CALB2: variants seen among roughly 807,000 people sequenced by gnomAD.
The protein encoded by CALB2 is calbindin 2, also known as calretinin.
In CALB2, 34 loss-of-function variants were observed where a neutral mutation model predicts 45.9. The ratio of observed to expected loss-of-function variants is 0.74; its 90% CI spans 0.56 to 0.99. The LOEUF (loss-of-function observed/expected upper bound fraction) is 0.99. Among genes scored for constraint, CALB2 ranks in the 50% least tolerant of loss-of-function variants. CALB2 has a pLI of 0.00. For missense variants in CALB2, 344 were observed against 339.3 expected, an observed-to-expected ratio of 1.01 and a Z score of -0.11; for synonymous variants, 142 against 129.6, an observed-to-expected ratio of 1.10 and a Z score of -0.65.
At position 71,382,752 on chromosome 16, in the gene CALB2, T is replaced by G. The variant is rs1161793221; in HGVS notation, c.376T>G (p.Tyr126Asp). Residue 126 changes from tyrosine (Y) to aspartate (D), a missense_variant, in exon 5 of 11, where the codon TAC becomes GAC. Coordinates refer to ENST00000302628, the MANE Select transcript of CALB2 (RefSeq NM_001740.5). ...GAAGTACGACACAGACAGGAGTGGC[T>G]ACATCGAAGCCAATGAGCTCAAGGT... ...WRKYDTDRSG[Y>D]IEANELKGFL... 1 of 1,612,304 alleles carries G rather than the reference T, an allele frequency of 6.2e-7. No homozygotes were observed. Among genetic ancestry groups the G allele is most frequent in the South Asian group, 1.1e-5 (1 of 90,762 alleles).
chr16:71,383,570 C>A, intron 6 of CALB2, 126 bp downstream of exon 6: 1 of 834,388 alleles, frequency 1.2e-6, no homozygotes, highest in Non-Finnish European at 1.9e-6. Context: ...TTCACAGTGG[C>A]AGCTGGCAAA....
At chr16:71,380,182 C>G (rs952644336) in intron 4 of CALB2, among the ~76,000 whole-genome samples, 1 of 151,336 alleles carries the variant, frequency 6.6e-6, no homozygotes, top group South Asian at 2.1e-4. Flanking sequence ...TACAGAGGAG[C>G]TAAAAGCATC....
intron 1 of CALB2, among the ~76,000 whole-genome samples, chr16:71,364,799 T>G (rs2042266505): frequency 6.6e-6 from 1 of 152,154 alleles, no homozygotes. Context: ...GGGCTTATTC[T>G]TTTTTCCAGA....
intron 3 of CALB2, among the ~76,000 whole-genome samples, chr16:71,377,300 T>C (rs1245419173): frequency 6.6e-6 from 1 of 152,232 alleles, no homozygotes; most frequent in Non-Finnish European, 1.5e-5. Flanking sequence ...TCTAGCCTGG[T>C]GCAGGCCCTC....
chr16:71,385,981 T>C (rs1463054717), intron 10 of CALB2, among the ~76,000 whole-genome samples: 4 of 152,154 alleles, frequency 2.6e-5, no homozygotes, highest in Admixed American at 2.0e-4. Flanking sequence ...CGCCAAAACC[T>C]GTACCCATTA....
chr16:71,378,466 G>A (rs2042443612), intron 4 of CALB2, among the ~76,000 whole-genome samples: 2 of 152,124 alleles, frequency 1.3e-5, no homozygotes, highest in East Asian at 3.9e-4. Context: ...GGCTAAGGCA[G>A]GAAGATCAGG....
At chr16:71,374,858 G>C (rs755307344) in intron 3 of CALB2, 24 bp downstream of exon 3, 2 of 1,536,978 alleles carry the variant, frequency 1.3e-6, no homozygotes, top group Admixed American at 1.7e-5. Flanking sequence ...CGCTGGTAAA[G>C]AGCTGTGTGG....
chr16:71,376,592 C>T (rs547715878), intron 3 of CALB2, among the ~76,000 whole-genome samples: 1 of 152,228 alleles, frequency 6.6e-6, no homozygotes, highest in African/African-American at 2.4e-5. Context: ...CATACATCCA[C>T]ATCCAATCAC....
chr16:71,366,440 C>T (rs939226525), intron 1 of CALB2, among the ~76,000 whole-genome samples: 2 of 150,312 alleles, frequency 1.3e-5, no homozygotes, highest in Non-Finnish European at 2.9e-5. Context: ...AAGCAATTCT[C>T]GTGCCTCAGC....
intron 4 of CALB2, among the ~76,000 whole-genome samples, chr16:71,380,994 C>T (rs957397245): frequency 6.6e-5 from 10 of 152,156 alleles, no homozygotes; most frequent in African/African-American, 2.4e-4. Flanking sequence ...TGGGGGAGCC[C>T]AGAGCTGGCA....
chr16:71,367,823 G>C (rs760953278), intron 1 of CALB2, among the ~76,000 whole-genome samples: 105 of 152,272 alleles, frequency 6.9e-4, no homozygotes, highest in Non-Finnish European at 1.2e-3. Context: ...CTAGTGTGGG[G>C]AGGGGGGTTC....
chr16:71,387,410 G>A (rs2042582971), intron 10 of CALB2, among the ~76,000 whole-genome samples: 2 of 151,760 alleles, frequency 1.3e-5, no homozygotes, highest in African/African-American at 4.8e-5. Flanking sequence ...TGAGTAGAAA[G>A]AGAGAGCCGC....
intron 10 of CALB2, among the ~76,000 whole-genome samples, chr16:71,387,459 G>GC (rs1302536551): frequency 1.3e-5 from 2 of 149,698 alleles, no homozygotes; most frequent in East Asian, 1.9e-4. Flanking sequence ...GAACGGAAGG[G>GC]CCTTTTTTTT....
intron 1 of CALB2, among the ~76,000 whole-genome samples, chr16:71,366,020 C>CTTTTTTTTTTT (rs2042281945): frequency 6.2e-4 from 18 of 28,850 alleles, no homozygotes; most frequent in Non-Finnish European, 1.1e-3. Context: ...TTCCCTCTCT[C>CTTTTTTTTTTT]TCTCTTTTTT....
intron 4 of CALB2, among the ~76,000 whole-genome samples, chr16:71,378,682 C>T (rs974334606): frequency 3.9e-5 from 6 of 152,182 alleles, no homozygotes; most frequent in African/African-American, 1.4e-4. Flanking sequence ...GGGTCAAGTA[C>T]GCTTGGGAAA....
intron 1 of CALB2, among the ~76,000 whole-genome samples, chr16:71,370,110 C>A (rs2042330947): frequency 6.6e-6 from 1 of 152,216 alleles, no homozygotes; most frequent in South Asian, 2.1e-4. Context: ...GCAATCATGT[C>A]TTTTCCCTGC....
intron 1 of CALB2, among the ~76,000 whole-genome samples, chr16:71,364,279 C>A (rs950743601): frequency 6.6e-6 from 1 of 152,012 alleles, no homozygotes; most frequent in African/African-American, 2.4e-5. Flanking sequence ...CCCTGCATTG[C>A]CTTGATATTG....
chr16:71,363,382 T>A lies in CALB2; in HGVS notation c.94+4496T>A, dbSNP rs529078262. 7.9e-5 allele frequency among the ~76,000 whole-genome samples: 12 copies of A among 152,238 alleles called. No homozygotes were observed. In the East Asian group the frequency reaches 1.7e-3, roughly 22 times the overall value. On this transcript the variant is annotated intron_variant, in intron 1 of 10. Transcript: ENST00000302628. ...GCCTCTCACAGGGACTGAGTCCTGT[T>A]CCTTATCTATGTGGACCCTGAGGAT...
At chr16:71,368,695 C>T (rs1464595815) in intron 1 of CALB2, among the ~76,000 whole-genome samples, 2 of 151,960 alleles carry the variant, frequency 1.3e-5, no homozygotes, top group African/African-American at 4.8e-5. Flanking sequence ...TCTGCCATGC[C>T]CGTGTGTCTG....
Sources: allele counts gnomAD v4.1 joint callset (sites outside exome capture counted in the v4.1 genomes callset), GRCh38; gene constraint gnomAD v4.1.1; transcripts MANE v1.5; gene names NCBI Gene and HGNC (gene_info 2026-07-23, HGNC 2026-07-21).